Variants in IL1RL2 observed in about 807,000 individuals in gnomAD.
IL1RL2 encodes interleukin-1 receptor-like 2.
In IL1RL2, 68 loss-of-function variants were observed where a neutral mutation model predicts 66.8. That is an observed-to-expected ratio of 1.02 (90% CI 0.84 to 1.25). IL1RL2 has a LOEUF of 1.25. IL1RL2 is among the 50% of genes most tolerant of loss of function. The probability of loss-of-function intolerance (pLI) is 0.00; values close to 1 mark genes in which losing one functional copy is unlikely to be tolerated. For missense variants in IL1RL2, 729 were observed against 709.3 expected (o/e 1.03, Z -0.32); for synonymous variants, 305 against 264.6 (o/e 1.15, Z -1.48).
At chr2:102,219,320 A>G (rs1214793884) in intron 7 of IL1RL2, among the ~76,000 whole-genome samples, 1 of 152,224 alleles carries the variant, frequency 6.6e-6, no homozygotes, top group Non-Finnish European at 1.5e-5. Context: ...CAGTTATATC[A>G]TGAGCCATCG....
chr2:102,226,634 GGAA>G (rs377497636), intron 9 of IL1RL2, among the ~76,000 whole-genome samples: 14 of 151,986 alleles, frequency 9.2e-5, no homozygotes, highest in African/African-American at 3.4e-4. Context: ...GAGGAAGGAA[GGAA>G]GGAGACAGGG....
At chr2:102,227,609 C>T (rs988146951) in intron 9 of IL1RL2, among the ~76,000 whole-genome samples, 6 of 152,190 alleles carry the variant, frequency 3.9e-5, no homozygotes, top group Admixed American at 2.6e-4. Context: ...CTGCAGAGGC[C>T]GCCCCGTCTA....
rs936966373 is a variant in IL1RL2, at chr2:102,239,495, G to A, written c.*254G>A. The A allele has an allele frequency of 4.7e-6, 2 of 429,388 alleles. No individual in the cohort carries two copies. The highest frequency in any genetic ancestry group is 4.0e-5 in the African/African-American group (2 of 49,732). The allele number at this position is 429,388 out of a possible 1,614,324, so 26.6% of individuals were successfully genotyped here. ...GGTTATCCCCATGGTCATGGAGGGT[G>A]AGGGCTGGTCGGGGGAGGCATCCCC... is the stretch of plus-strand genomic sequence containing the variant. On this transcript the variant is annotated 3_prime_UTR_variant, in exon 12 of 12. Transcript: ENST00000264257.
chr2:102,228,190 C>T (rs1210665050), intron 9 of IL1RL2, among the ~76,000 whole-genome samples: 1 of 152,152 alleles, frequency 6.6e-6, no homozygotes, highest in Non-Finnish European at 1.5e-5. Context: ...ACGAGAACTG[C>T]CCTGTAATAT....
intron 8 of IL1RL2, among the ~76,000 whole-genome samples, chr2:102,220,286 C>G (rs1689990111): frequency 6.6e-6 from 1 of 152,108 alleles, no homozygotes; most frequent in Non-Finnish European, 1.5e-5. Flanking sequence ...AAAACAAAAG[C>G]TTTTCTTTAT....
At chr2:102,211,131 C>T (rs1308211982) in intron 5 of IL1RL2, among the ~76,000 whole-genome samples, 2 of 152,124 alleles carry the variant, frequency 1.3e-5, no homozygotes, top group African/African-American at 4.8e-5. Context: ...TTGGGACATG[C>T]TGCATTTAAA....
intron 11 of IL1RL2, 103 bp downstream of exon 11, chr2:102,235,380 T>C: frequency 6.6e-7 from 1 of 1,510,954 alleles, no homozygotes; most frequent in Non-Finnish European, 8.8e-7. Flanking sequence ...CGGGGCCGTC[T>C]GCTCTGAAGC....
chr2:102,242,166 T>C (rs1460222843), downstream of IL1RL2, among the ~76,000 whole-genome samples: 2 of 152,218 alleles, frequency 1.3e-5, no homozygotes, highest in Non-Finnish European at 2.9e-5. Flanking sequence ...AGATTTTTGT[T>C]TTGCTTTCAA....
intron 5 of IL1RL2, among the ~76,000 whole-genome samples, chr2:102,209,907 T>G (rs1689013164): frequency 6.6e-6 from 1 of 152,140 alleles, no homozygotes; most frequent in Admixed American, 6.5e-5. Flanking sequence ...AGCTAGGTTC[T>G]GTGCCAGGCA....
At chr2:102,224,847 A>C (rs943247271) in intron 8 of IL1RL2, among the ~76,000 whole-genome samples, 3 of 152,182 alleles carry the variant, frequency 2.0e-5, no homozygotes, top group Non-Finnish European at 4.4e-5. Context: ...CCCTATAAAT[A>C]TGTGCAACTA....
intron 6 of IL1RL2, among the ~76,000 whole-genome samples, 179 bp downstream of exon 6, chr2:102,212,353 A>G (rs186736937): frequency 2.0e-5 from 3 of 152,316 alleles, no homozygotes; most frequent in Admixed American, 2.0e-4. Context: ...CAGAGAGCCG[A>G]AGCATGGAAA....
intron 6 of IL1RL2, among the ~76,000 whole-genome samples, chr2:102,212,846 G>A (rs1229065267): frequency 6.6e-6 from 1 of 152,132 alleles, no homozygotes; most frequent in East Asian, 1.9e-4. Flanking sequence ...GCAGGCGCCT[G>A]TAGTCCCAGC....
At chr2:102,187,582 G>A (rs1284172256) in intron 1 of IL1RL2, among the ~76,000 whole-genome samples, 6 of 152,146 alleles carry the variant, frequency 3.9e-5, no homozygotes, top group Non-Finnish European at 5.9e-5. Flanking sequence ...GCTCCCACGC[G>A]GTCCCCACCG....
chr2:102,202,894 T>C (rs1436481358), intron 5 of IL1RL2, among the ~76,000 whole-genome samples: 1 of 152,222 alleles, frequency 6.6e-6, no homozygotes. Flanking sequence ...CTGATTTCTC[T>C]AGCTAGGACT....
At chr2:102,216,307 T>G (rs1689606860) in intron 6 of IL1RL2, among the ~76,000 whole-genome samples, 1 of 152,198 alleles carries the variant, frequency 6.6e-6, no homozygotes, top group Admixed American at 6.5e-5. Context: ...AATGACCTTC[T>G]TTGTCTCTTC....
At chr2:102,201,924 A>G (rs1688294651) in intron 5 of IL1RL2, among the ~76,000 whole-genome samples, 2 of 152,170 alleles carry the variant, frequency 1.3e-5, no homozygotes, top group Admixed American at 6.5e-5. Flanking sequence ...CCTCTTCTGA[A>G]CAACAGAACA....
rs556319990 is a variant in IL1RL2, at chr2:102,234,961, C to T, written c.1362C>T (p.Pro454=). The T allele has an allele frequency of 4.9e-5, 79 of 1,614,006 alleles. No individual in the cohort carries two copies. Among genetic ancestry groups the T allele is most frequent in the Non-Finnish European group, 5.9e-5 (70 of 1,180,040 alleles). ...GGAGGCTGATTGTCATTGTGGTCCC[C>T]GAATCGCTGGGCTTTGGCCTGTTGA... ...LCRRLIVIVV[P]ESLGFGLLKN... The change falls in exon 11 of 12, where the codon CCC becomes CCT. Residue 454 remains proline (P), a synonymous_variant. Coordinates refer to ENST00000264257, the MANE Select transcript of IL1RL2 (RefSeq NM_003854.4).
chr2:102,238,373 G>C (rs111309637), intron 11 of IL1RL2, among the ~76,000 whole-genome samples: 159 of 152,252 alleles, frequency 1.0e-3, no homozygotes, highest in Non-Finnish European at 5.9e-4. Context: ...GTCTTTCCCC[G>C]GAGGACCAAG....
chr2:102,212,221 A>C (rs768247039), intron 6 of IL1RL2, 47 bp downstream of exon 6: 20 of 1,295,308 alleles, frequency 1.5e-5, no homozygotes, highest in East Asian at 4.6e-5. Context: ...GGAAGAGCTC[A>C]TTATGTTTGC....
Sources: allele counts gnomAD v4.1 joint callset (sites outside exome capture counted in the v4.1 genomes callset), GRCh38; gene constraint gnomAD v4.1.1; transcripts MANE v1.5; gene names NCBI Gene and HGNC (gene_info 2026-07-23, HGNC 2026-07-21).